ZBTB16: variants seen among roughly 807,000 people sequenced by gnomAD.
ZBTB16 encodes zinc finger and BTB domain-containing protein 16.
A neutral mutation model predicts 56.8 loss-of-function variants in ZBTB16; 8 were observed. That is an observed-to-expected ratio of 0.14 (90% CI 0.08 to 0.25). ZBTB16 has a LOEUF of 0.25. Ranked by LOEUF, ZBTB16 falls within the 10% of genes least tolerant of loss-of-function variation. The pLI is 1.00. For missense variants in ZBTB16, 625 were observed against 903.0 expected (o/e 0.69, Z 3.95); for synonymous variants, 363 against 368.5 (o/e 0.98, Z 0.17).
intron 4 of ZBTB16, among the ~76,000 whole-genome samples, chr11:114,219,577 G>A (rs1944182231): frequency 6.6e-6 from 1 of 151,888 alleles, no homozygotes; most frequent in African/African-American, 2.4e-5. Context: ...TTGTGTCTCT[G>A]GGCCTAGCTA....
Position 114,059,735 on chromosome 11 carries a change from A to G in ZBTB16, c.-238A>G. 1 of 398,412 alleles carries G rather than the reference A, an allele frequency of 2.5e-6. No homozygotes were observed. 24.7% of individuals were successfully genotyped at this position (398,412 alleles called of 1,614,324 possible). On this transcript the variant is annotated 5_prime_UTR_variant, in exon 1 of 7. Coordinates refer to ENST00000335953, the MANE Select transcript of ZBTB16 (RefSeq NM_006006.6). This position sits in a 1 kb window ranked among gnomAD's most constrained non-coding sequence, Gnocchi z 5.3. Reference sequence around the variant, plus strand: ...CAGCAGAGAGGAGTTGAGGGCGATGAGAGCGGGTACTGCGAACTGCCGGGC... The same window carrying G: ...CAGCAGAGAGGAGTTGAGGGCGATGGGAGCGGGTACTGCGAACTGCCGGGC...
At chr11:114,080,432 C>T (rs1287835255) in intron 2 of ZBTB16, among the ~76,000 whole-genome samples, 3 of 152,152 alleles carry the variant, frequency 2.0e-5, no homozygotes, top group Non-Finnish European at 2.9e-5. Context: ...CATGCTCGCT[C>T]TCGCTGGTGC....
At chr11:114,061,772 C>T (rs1202632239) in intron 1 of ZBTB16, among the ~76,000 whole-genome samples, 2 of 152,164 alleles carry the variant, frequency 1.3e-5, no homozygotes, top group African/African-American at 4.8e-5. Flanking sequence ...TTTCCCAGCC[C>T]TGTCTTCCCT....
chr11:114,251,034 T>A lies in ZBTB16; in HGVS notation c.*479T>A, dbSNP rs535510835. ...GATGGGTCTGGGCTGGGTCACTAGC[T>A]GCTCAAAATGGCAGCTCTAGTTTGC... On this transcript the variant is annotated 3_prime_UTR_variant, in exon 7 of 7. Transcript: ENST00000335953. 6.6e-6 allele frequency among the ~76,000 whole-genome samples: 1 copy of A among 152,260 alleles called. No homozygotes were observed. Among genetic ancestry groups the A allele is most frequent in the East Asian group, 1.9e-4 (1 of 5,176 alleles).
At chr11:114,147,092 A>C (rs998879040) in intron 2 of ZBTB16, among the ~76,000 whole-genome samples, 5 of 152,240 alleles carry the variant, frequency 3.3e-5, no homozygotes, top group African/African-American at 1.2e-4. Flanking sequence ...CAGAATCCTC[A>C]TAGAAAAGTA....
chr11:114,181,556 A>T (rs1392044718), intron 3 of ZBTB16, among the ~76,000 whole-genome samples: 1 of 152,214 alleles, frequency 6.6e-6, no homozygotes, highest in African/African-American at 2.4e-5. Flanking sequence ...TATGTCTATT[A>T]TCCTGTTTGC....
At chr11:114,111,124 G>A (rs929896926) in intron 2 of ZBTB16, among the ~76,000 whole-genome samples, 1 of 151,140 alleles carries the variant, frequency 6.6e-6, no homozygotes, top group African/African-American at 2.4e-5. Context: ...TCTTGGGGAC[G>A]TGATGTACTT....
At chr11:114,231,731 G>A (rs1944444719) in intron 4 of ZBTB16, among the ~76,000 whole-genome samples, 1 of 152,156 alleles carries the variant, frequency 6.6e-6, no homozygotes, top group Non-Finnish European at 1.5e-5. Context: ...TTTAGTTAAA[G>A]AGATTCTCTT....
intron 2 of ZBTB16, among the ~76,000 whole-genome samples, chr11:114,066,770 T>G: frequency 1.9e-5 from 1 of 52,832 alleles, no homozygotes; most frequent in Non-Finnish European, 6.6e-5. Flanking sequence ...CTCACTACAT[T>G]TTTTTTTTTT....
chr11:114,239,913 G>A (rs1944667913), intron 4 of ZBTB16, among the ~76,000 whole-genome samples: 1 of 152,206 alleles, frequency 6.6e-6, no homozygotes, highest in Admixed American at 6.5e-5. Flanking sequence ...GCCTCTTTCT[G>A]TGTGATCTTA....
At chr11:114,177,943 C>T (rs561877836) in intron 3 of ZBTB16, among the ~76,000 whole-genome samples, 1 of 152,286 alleles carries the variant, frequency 6.6e-6, no homozygotes, top group East Asian at 1.9e-4. Flanking sequence ...AAATAATTCA[C>T]TCATGTATTT....
intron 4 of ZBTB16, among the ~76,000 whole-genome samples, chr11:114,207,886 T>A (rs1943918733): frequency 6.6e-6 from 1 of 152,218 alleles, no homozygotes; most frequent in Non-Finnish European, 1.5e-5. Context: ...AGTGCTGGGA[T>A]TACAGGCGTG....
chr11:114,061,395 G>A (rs1003107892), intron 1 of ZBTB16: 2 of 152,260 alleles, frequency 1.3e-5, no homozygotes, highest in African/African-American at 2.4e-5. Context: ...GATGTCTGCG[G>A]GAAAGCACGC....
chr11:114,236,986 G>A (rs1944606628), intron 4 of ZBTB16, among the ~76,000 whole-genome samples: 1 of 152,232 alleles, frequency 6.6e-6, no homozygotes, highest in Admixed American at 6.5e-5. Flanking sequence ...CAGCTTCCCA[G>A]AAAGTAGCAG....
chr11:114,114,159 A>G lies in ZBTB16; in HGVS notation c.1269-42178A>G, dbSNP rs59780190. On this transcript the variant is annotated intron_variant, in intron 2 of 6. Coordinates refer to ENST00000335953, the MANE Select transcript of ZBTB16 (RefSeq NM_006006.6). The stretch of plus-strand genomic sequence containing the variant: ...CCAGAATAACTTGATATTCTAGTTG[A>G]CAATGATTTCTGGAGAACATGTCCC... Among the ~76,000 whole-genome samples the G allele has an allele frequency of 7.5e-3, 1,150 of 152,386 alleles. 15 individuals are homozygous for G. The highest frequency in any genetic ancestry group is 0.025 in the African/African-American group (1,028 of 41,592).
chr11:114,148,436 T>TG (rs373061678), intron 2 of ZBTB16, among the ~76,000 whole-genome samples: 14 of 43,234 alleles, frequency 3.2e-4, no homozygotes, highest in South Asian at 8.5e-4. Flanking sequence ...TCTCTCTCTC[T>TG]TTCTCTCTCT....
At chr11:114,094,188 G>T (rs532690265) in intron 2 of ZBTB16, among the ~76,000 whole-genome samples, 1 of 152,056 alleles carries the variant, frequency 6.6e-6, no homozygotes. Flanking sequence ...GGTGGCGGGC[G>T]CCTGTAGTCC....
At chr11:114,095,245 C>CTTTTCTTTTCTTTTTTT (rs1555132749) in intron 2 of ZBTB16, among the ~76,000 whole-genome samples, 6 of 90,452 alleles carry the variant, frequency 6.6e-5, no homozygotes, top group African/African-American at 3.1e-4. Context: ...CTTTTCTTTT[C>CTTTTCTTTTCTTTTTTT]TTTTTTTTTT....
chr11:114,234,686 A>C (rs1944525909), intron 4 of ZBTB16, among the ~76,000 whole-genome samples: 1 of 152,206 alleles, frequency 6.6e-6, no homozygotes, highest in African/African-American at 2.4e-5. Context: ...TGGAGGAGCC[A>C]CTCAGATTCA....
Sources: gnomAD v4.1 joint callset for allele counts (sites outside exome capture counted in the v4.1 genomes callset) on GRCh38, gnomAD v4.1.1 for gene constraint, Gnocchi (gnomAD v3.1) non-coding constraint, MANE v1.5 for transcripts, NCBI Gene and HGNC (gene_info 2026-07-23, HGNC 2026-07-21) for gene names.